The following CA4 variants were observed in gnomAD, a reference collection of about 807,000 sequenced individuals.
CA4 encodes CA-IV.
In CA4, 24 loss-of-function variants were observed where a neutral mutation model predicts 34.5. That is an observed-to-expected ratio of 0.70 (90% CI 0.50 to 0.98). The LOEUF is 0.98. Ranked by LOEUF, CA4 falls within the 50% of genes least tolerant of loss-of-function variation. CA4 has a pLI of 0.00. For synonymous variants in CA4, 178 were observed against 170.6 expected, an observed-to-expected ratio of 1.04 and a Z score of -0.34; for missense variants, 394 against 396.7, an observed-to-expected ratio of 0.99 and a Z score of 0.06.
chr17:60,172,672 C>T (rs1168156450), downstream of CA4, among the ~76,000 whole-genome samples: 2 of 151,602 alleles, frequency 1.3e-5, no homozygotes, highest in East Asian at 3.9e-4. Flanking sequence ...GGTGAAAACC[C>T]GTCTCTACTG....
chr17:60,153,367 A>T (rs1220638772), intron 1 of CA4, among the ~76,000 whole-genome samples: 1 of 152,178 alleles, frequency 6.6e-6, no homozygotes, highest in East Asian at 1.9e-4. Context: ...ATTCTTGGAT[A>T]ATGTAGTAAT....
the CA4 span, among the ~76,000 whole-genome samples, chr17:60,177,297 C>T: frequency 6.6e-6 from 1 of 152,202 alleles, no homozygotes; most frequent in Admixed American, 6.5e-5. Context: ...ACCCCATATA[C>T]AATTACCAAT....
chr17:60,163,725 T>C (rs1444315277), downstream of CA4, among the ~76,000 whole-genome samples: 1 of 152,158 alleles, frequency 6.6e-6, no homozygotes, highest in Non-Finnish European at 1.5e-5. Flanking sequence ...CTCCTCAGGT[T>C]GTTCCAAGTG....
rs1304894446 is a variant in CA4 at position 60,156,581 on chromosome 17, A to T, written c.134A>T (p.Asn45Ile). Residue 45 changes from asparagine (N) to isoleucine (I), a missense_variant, in exon 3 of 8, where the codon AAC becomes ATC. Coordinates refer to ENST00000300900, the MANE Select transcript of CA4 (RefSeq NM_000717.5). ...TCAGTGCCAGTCAAGTGGGGTGGAAACTGCCAGAAGGACCGCCAGTCCCCC... is the reference window on the plus strand; with the variant it reads ...TCAGTGCCAGTCAAGTGGGGTGGAATCTGCCAGAAGGACCGCCAGTCCCCC... ...PCLVPVKWGG[N>I]CQKDRQSPIN... is the part of the protein sequence containing the mutation. 6.2e-7 allele frequency: 1 copy of T among 1,614,084 alleles called. No individual in the cohort carries two copies. The highest frequency in any genetic ancestry group is 1.1e-5 in the South Asian group (1 of 91,086).
chr17:60,158,256 T>C, intron 6 of CA4, 27 bp from the exon 7 acceptor site: 1 of 1,613,708 alleles, frequency 6.2e-7, no homozygotes. Flanking sequence ...CCACCCTCAC[T>C]GACAGTGTCC....
At chr17:60,159,658 C>A (rs2083762904), downstream of CA4, 2 of 603,680 alleles carry the variant, frequency 3.3e-6, no homozygotes, top group Admixed American at 5.7e-5. Flanking sequence ...AGATTTCTCC[C>A]AAGCAGGTAC....
chr17:60,168,573 G>A (rs62083729), intron 5 of CA4, among the ~76,000 whole-genome samples: 1 of 150,660 alleles, frequency 6.6e-6, no homozygotes, highest in Non-Finnish European at 1.5e-5. Flanking sequence ...TTTTTTTTCG[G>A]TGGGGAGGTG....
At chr17:60,162,675 G>T (rs1338817936), downstream of CA4, among the ~76,000 whole-genome samples, 1 of 152,136 alleles carries the variant, frequency 6.6e-6, no homozygotes, top group African/African-American at 2.4e-5. Flanking sequence ...TTCTCTGAGG[G>T]TCACTGGCCG....
chr17:60,156,476 G>C (rs1048573270), intron 2 of CA4, 84 bp from the exon 3 acceptor site: 2 of 1,361,632 alleles, frequency 1.5e-6, no homozygotes, highest in African/African-American at 2.9e-5. Context: ...AACTGAGTGG[G>C]TGGGCCTGAC....
At chr17:60,151,273 C>A (rs901375244) in intron 1 of CA4, among the ~76,000 whole-genome samples, 1 of 152,012 alleles carries the variant, frequency 6.6e-6, no homozygotes, top group Non-Finnish European at 1.5e-5. Flanking sequence ...CTCAAAGCGG[C>A]GGAGTGAGGG....
downstream of CA4, among the ~76,000 whole-genome samples, chr17:60,173,231 T>C (rs1303485180): frequency 6.6e-6 from 1 of 151,944 alleles, no homozygotes; most frequent in Non-Finnish European, 1.5e-5. Flanking sequence ...CATAGAAAAA[T>C]GTTTGGCAAC....
chr17:60,154,858 G>T (rs936273590), intron 1 of CA4, among the ~76,000 whole-genome samples: 1 of 152,194 alleles, frequency 6.6e-6, no homozygotes, highest in Admixed American at 6.5e-5. Flanking sequence ...CCCTCATCTT[G>T]GATCTGGGAA....
Position 60,159,482 on chromosome 17 carries a change from C to CGGAA in CA4, c.*60_*61insAAGG. The CGGAA allele has an allele frequency of 6.4e-7, 1 of 1,560,340 alleles. No individual in the cohort carries two copies. Among genetic ancestry groups the CGGAA allele is most frequent in the South Asian group, 1.1e-5 (1 of 88,512 alleles). On this transcript the variant is annotated 3_prime_UTR_variant, in exon 8 of 8. Coordinates refer to ENST00000300900, the MANE Select transcript of CA4 (RefSeq NM_000717.5). ...CTCAGCTCTCCAAGTTCCAGGCTTC[C>CGGAA]GGTCCTTAGCCTTCCCAGGTGGGAC...
intron 5 of CA4, among the ~76,000 whole-genome samples, chr17:60,168,197 CTT>C (rs953112801): frequency 8.5e-6 from 1 of 118,228 alleles, no homozygotes; most frequent in Non-Finnish European, 1.6e-5. Context: ...AGGGTAATTT[CTT>C]TTTATTTTTT....
At chr17:60,156,896 CTTT>C in intron 3 of CA4, 181 bp downstream of exon 3, 1 of 665,332 alleles carries the variant, frequency 1.5e-6, no homozygotes, top group South Asian at 1.7e-5. Context: ...GTTTTCGTTA[CTTT>C]TGTCAGACCA....
At position 60,157,329 on chromosome 17, in the gene CA4, G is replaced by A. The variant is rs926642780; in HGVS notation, c.269-98G>A. The A allele has an allele frequency of 2.8e-5, 39 of 1,388,394 alleles. No individual in the cohort carries two copies. The African/African-American group carries it at 4.5e-4, about 16-fold the overall frequency. The allele number at this position is 1,388,394 out of a possible 1,614,324, so 86.0% of individuals were successfully genotyped here. On this transcript the variant is annotated intron_variant, in intron 3 of 7. Coordinates refer to ENST00000300900, the MANE Select transcript of CA4 (RefSeq NM_000717.5). ...GAACCAGAGCTCATGAAGGTTGGGA[G>A]GCAGGAGACAATGTCCCATCTGGGT...
At chr17:60,152,972 C>A (rs1468869485) in intron 1 of CA4, among the ~76,000 whole-genome samples, 1 of 152,198 alleles carries the variant, frequency 6.6e-6, no homozygotes, top group Non-Finnish European at 1.5e-5. Flanking sequence ...ATTTACTACA[C>A]AGACCCAGAC....
intron 1 of CA4, among the ~76,000 whole-genome samples, chr17:60,150,681 AAAAAAAAAAG>A (rs1384593613): frequency 9.4e-5 from 12 of 128,144 alleles, no homozygotes; most frequent in Non-Finnish European, 1.6e-4. Flanking sequence ...AAAAAAAAAA[AAAAAAAAAAG>A]GATGCTTCTC....
chr17:60,173,818 A>G (rs112049726), downstream of CA4, among the ~76,000 whole-genome samples: 4 of 152,208 alleles, frequency 2.6e-5, no homozygotes, highest in African/African-American at 9.7e-5. Flanking sequence ...GGCACAGAAC[A>G]TTAGGTGTAA....
Sources: allele counts gnomAD v4.1 joint callset (sites outside exome capture counted in the v4.1 genomes callset), GRCh38; gene constraint gnomAD v4.1.1; transcripts MANE v1.5; gene names NCBI Gene and HGNC (gene_info 2026-07-23, HGNC 2026-07-21).